ASTN2: variants seen among roughly 807,000 people sequenced by gnomAD.
ASTN2 encodes astrotactin 2, also known as astrotactin-2.
Under a neutral mutation model 139.8 loss-of-function variants are expected in ASTN2, and 54 were observed. The ratio of observed to expected loss-of-function variants is 0.39; its 90% CI spans 0.31 to 0.48. ASTN2 has a LOEUF of 0.48. Among genes scored for constraint, ASTN2 ranks in the 20% least tolerant of loss-of-function variants. ASTN2 has a pLI of 0.95. For missense variants in ASTN2, 1,565 were observed against 1,725.1 expected (o/e 0.91, Z 1.64); for synonymous variants, 756 against 719.5 (o/e 1.05, Z -0.81).
At chr9:116,897,308 G>T (rs114398607) in intron 10 of ASTN2, among the ~76,000 whole-genome samples, 1,706 of 152,308 alleles carry the variant, frequency 0.011, 26 homozygotes, top group African/African-American at 0.036. Context: ...GGCAATCAGG[G>T]TCTAACTCTA....
At position 116,818,454 on chromosome 9, in the gene ASTN2, C is replaced by T. The variant is rs1027007600; in HGVS notation, c.2207+2163G>A. On this transcript the variant is annotated intron_variant, in intron 12 of 22. Transcript: ENST00000313400. ...ATTCCTAATAGACAGTTTCCAAATC[C>T]TGTTGAAACTGCAGTTGGTTTTAGG... 2.0e-4 allele frequency among the ~76,000 whole-genome samples: 30 copies of T among 152,220 alleles called. 1 individual carries two copies. The highest frequency in any genetic ancestry group is 7.0e-4 in the African/African-American group (29 of 41,556).
intron 10 of ASTN2, among the ~76,000 whole-genome samples, chr9:116,896,768 C>T (rs1397276089): frequency 6.6e-6 from 1 of 152,134 alleles, no homozygotes. Flanking sequence ...GGAAAACTGC[C>T]ATTTATAAGA....
At chr9:116,532,863 A>G (rs564539271) in intron 19 of ASTN2, among the ~76,000 whole-genome samples, 2 of 152,296 alleles carry the variant, frequency 1.3e-5, no homozygotes, top group South Asian at 2.1e-4. Flanking sequence ...TTGTTTCCAC[A>G]TGAACTTTAA....
At chr9:117,033,550 C>T (rs1421374183) in intron 6 of ASTN2, among the ~76,000 whole-genome samples, 46 of 152,092 alleles carry the variant, frequency 3.0e-4, no homozygotes, top group Admixed American at 2.8e-3. Flanking sequence ...TAGAGGAAGA[C>T]GTTTCCAAAC....
chr9:116,619,195 A>G (rs1160530355), intron 18 of ASTN2, among the ~76,000 whole-genome samples: 1 of 152,102 alleles, frequency 6.6e-6, no homozygotes, highest in African/African-American at 2.4e-5. Context: ...TCTCACCCAC[A>G]GAGTTCGATT....
chr9:116,489,428 G>A (rs1054912183), intron 19 of ASTN2, among the ~76,000 whole-genome samples: 8 of 151,914 alleles, frequency 5.3e-5, no homozygotes, highest in East Asian at 1.9e-4. Flanking sequence ...CCTCTGCCCC[G>A]CAGGCTCAAG....
At chr9:117,326,349 T>C (rs553388474) in intron 1 of ASTN2, among the ~76,000 whole-genome samples, 2 of 152,286 alleles carry the variant, frequency 1.3e-5, no homozygotes, top group African/African-American at 2.4e-5. Context: ...AGCATGTTAA[T>C]GGCAGAGTCA....
At chr9:116,665,346 T>C (rs1858798293) in intron 16 of ASTN2, among the ~76,000 whole-genome samples, 1 of 152,164 alleles carries the variant, frequency 6.6e-6, no homozygotes, top group South Asian at 2.1e-4. Context: ...GAACTAAGCT[T>C]TTTCAGCATT....
intron 16 of ASTN2, among the ~76,000 whole-genome samples, chr9:116,702,605 G>T (rs1827860239): frequency 1.3e-5 from 2 of 152,098 alleles, no homozygotes; most frequent in Non-Finnish European, 1.5e-5. Context: ...ATTGGTTCAG[G>T]TATTTACCTG....
intron 1 of ASTN2, among the ~76,000 whole-genome samples, chr9:117,396,954 T>G (rs1384798942): frequency 6.6e-6 from 1 of 151,398 alleles, no homozygotes; most frequent in African/African-American, 2.4e-5. Context: ...TTTTTTTTTT[T>G]TTTTTGAGGG....
At chr9:116,811,838 T>C (rs1831175513) in intron 12 of ASTN2, among the ~76,000 whole-genome samples, 1 of 152,194 alleles carries the variant, frequency 6.6e-6, no homozygotes, top group Non-Finnish European at 1.5e-5. Flanking sequence ...TAAATTTATT[T>C]CTATTGGTTC....
intron 13 of ASTN2, among the ~76,000 whole-genome samples, chr9:116,754,464 C>T (rs1053547654): frequency 6.6e-6 from 1 of 152,218 alleles, no homozygotes; most frequent in Non-Finnish European, 1.5e-5. Flanking sequence ...ACATCCTCTC[C>T]AGCATCTGCT....
intron 1 of ASTN2, among the ~76,000 whole-genome samples, chr9:117,387,044 T>C (rs1304016364): frequency 6.6e-6 from 1 of 152,158 alleles, no homozygotes; most frequent in Non-Finnish European, 1.5e-5. Context: ...TACACCCTGT[T>C]GATCTCCTGG....
chr9:116,976,837 G>T (rs752128296), intron 7 of ASTN2, 52 bp from the exon 8 acceptor site: 1 of 1,534,102 alleles, frequency 6.5e-7, no homozygotes, highest in South Asian at 1.1e-5. Flanking sequence ...CCCCAAATAG[G>T]CTTTTCTCTG....
At chr9:116,815,546 C>A (rs1294095775) in intron 12 of ASTN2, among the ~76,000 whole-genome samples, 1 of 151,938 alleles carries the variant, frequency 6.6e-6, no homozygotes, top group Non-Finnish European at 1.5e-5. Flanking sequence ...TGGCTCACAC[C>A]TGTAATCCCA....
At chr9:117,081,368 CCTT>C (rs1400328943) in intron 5 of ASTN2, among the ~76,000 whole-genome samples, 1 of 151,980 alleles carries the variant, frequency 6.6e-6, no homozygotes, top group Non-Finnish European at 1.5e-5. Flanking sequence ...ACCCTCAGCC[CCTT>C]CACTTTCCAG....
chr9:116,565,411 A>ATTTATTTATTTATTTATT (rs1588012243), intron 19 of ASTN2, among the ~76,000 whole-genome samples: 1 of 105,750 alleles, frequency 9.5e-6, no homozygotes, highest in African/African-American at 3.7e-5. Context: ...ATATATATAT[A>ATTTATTTATTTATTTATT]TATATATATA....
intron 12 of ASTN2, 58 bp from the exon 13 acceptor site, chr9:116,805,878 G>T: frequency 1.9e-6 from 3 of 1,562,964 alleles, no homozygotes; most frequent in Non-Finnish European, 2.6e-6. Context: ...CCCATTGGGG[G>T]TGACCTAAAA....
chr9:117,285,151 G>A (rs10983605), intron 2 of ASTN2, among the ~76,000 whole-genome samples: 63,093 of 151,836 alleles, frequency 0.42, 14,197 homozygotes, highest in South Asian at 0.6. Flanking sequence ...TTCAGTTCTC[G>A]CCCAGTACCT....
Sources: allele counts gnomAD v4.1 joint callset (sites outside exome capture counted in the v4.1 genomes callset), GRCh38; gene constraint gnomAD v4.1.1; transcripts MANE v1.5; gene names NCBI Gene and HGNC (gene_info 2026-07-23, HGNC 2026-07-21).